Variants in PHYKPL observed in about 807,000 individuals in gnomAD.
The protein encoded by PHYKPL is 5-phosphonooxy-L-lysine phospho-lyase.
Under a neutral mutation model 51.3 loss-of-function variants are expected in PHYKPL, and 42 were observed. The ratio of observed to expected loss-of-function variants is 0.82; its 90% CI spans 0.64 to 1.06. The LOEUF (loss-of-function observed/expected upper bound fraction) is 1.06, where lower values mean the gene tolerates loss of function less well. PHYKPL is among the 50% of genes least tolerant of loss of function. PHYKPL has a pLI of 0.00. For synonymous variants in PHYKPL, 264 were observed against 236.0 expected (o/e 1.12, Z -1.09); for missense variants, 655 against 586.6 (o/e 1.12, Z -1.20).
chr5:178,220,194 CAAA>C (rs34898072), intron 8 of PHYKPL, among the ~76,000 whole-genome samples: 32 of 95,592 alleles, frequency 3.3e-4, no homozygotes, highest in Admixed American at 6.9e-4. Context: ...GACCCCGTTT[CAAA>C]AAAAAAAAAA....
chr5:178,218,967 CAAA>C (rs973214820), intron 8 of PHYKPL, among the ~76,000 whole-genome samples: 1 of 151,346 alleles, frequency 6.6e-6, no homozygotes, highest in African/African-American at 2.4e-5. Flanking sequence ...TCTCAAAAAA[CAAA>C]AAAAAGTAAA....
At chr5:178,207,398 T>C (rs931560136), downstream of PHYKPL, among the ~76,000 whole-genome samples, 1 of 152,108 alleles carries the variant, frequency 6.6e-6, no homozygotes, top group Non-Finnish European at 1.5e-5. Context: ...TTGAAAGACT[T>C]CTCAGGCTGG....
chr5:178,212,313 C>T (rs1348067315), intron 11 of PHYKPL, among the ~76,000 whole-genome samples: 1 of 152,234 alleles, frequency 6.6e-6, no homozygotes, highest in Admixed American at 6.5e-5. Flanking sequence ...ATTAAGCATA[C>T]CTGTGGGTAG....
chr5:178,225,560 T>C (rs766936519), intron 3 of PHYKPL, 131 bp from the exon 4 acceptor site: 9 of 840,528 alleles, frequency 1.1e-5, no homozygotes, highest in Admixed American at 2.1e-5. Flanking sequence ...CACTTGCTTG[T>C]TTGTTTGGTA....
In PHYKPL at chr5:178,224,593, C is replaced by T. The variant is rs201364408; in HGVS notation, c.502-29G>A. 27 of 1,614,074 alleles carry T rather than the reference C, an allele frequency of 1.7e-5. 1 individual carries two copies. Among genetic ancestry groups the T allele is most frequent in the East Asian group, 4.5e-5 (2 of 44,882 alleles). On this transcript the variant is annotated intron_variant, in intron 5 of 12. Coordinates refer to ENST00000308158, the MANE Select transcript of PHYKPL (RefSeq NM_153373.4). ...TGGGGAGTGACAGCGCCATGTTATCCGGGCTTGGGGACAGGCACCGACCTG... is the reference window on the plus strand; with the variant it reads ...TGGGGAGTGACAGCGCCATGTTATCTGGGCTTGGGGACAGGCACCGACCTG...
chr5:178,226,249 G>A (rs995374008), intron 3 of PHYKPL, among the ~76,000 whole-genome samples: 2 of 151,760 alleles, frequency 1.3e-5, no homozygotes, highest in Non-Finnish European at 2.9e-5. Context: ...CTAATTTTTC[G>A]TATTTTCAGT....
Position 178,228,649 on chromosome 5 carries a change from T to C in PHYKPL, c.338+1291A>G, listed in dbSNP as rs1581365531. ...AAATTATCTGGGGGGCAGATGTCTGTACTGTGTGAGTGGCCACAGTAATCA... is the reference window on the plus strand; with the variant it reads ...AAATTATCTGGGGGGCAGATGTCTGCACTGTGTGAGTGGCCACAGTAATCA... On this transcript the variant is annotated intron_variant, in intron 3 of 12. Transcript: ENST00000308158. 5.3e-5 allele frequency: 37 copies of C among 701,708 alleles called. No individual in the cohort carries two copies. In the East Asian group the frequency reaches 9.9e-4, roughly 19 times the overall value. The allele number at this position is 701,708 out of a possible 1,614,324, so 43.5% of individuals were successfully genotyped here.
chr5:178,224,473 C>T lies in PHYKPL; in HGVS notation c.593G>A (p.Ser198Asn). The T allele has an allele frequency of 6.2e-7, 1 of 1,601,924 alleles. No homozygotes were observed. Among genetic ancestry groups the T allele is most frequent in the South Asian group, 1.1e-5 (1 of 88,584 alleles). ...AYANEVKRVV[S>N]SAQEKGRKIA... ...CTTCCTGCCCTTCTCCTGTGCACTGCTGACCACACGTTTCACCTCGTTGGC... is the reference window on the plus strand; with the variant it reads ...CTTCCTGCCCTTCTCCTGTGCACTGTTGACCACACGTTTCACCTCGTTGGC... Residue 198 changes from serine to asparagine, a missense_variant, in exon 6 of 13, where the codon AGC becomes AAC. Transcript: ENST00000308158.
At chr5:178,214,514 C>T (rs1759343304) in intron 10 of PHYKPL, among the ~76,000 whole-genome samples, 1 of 152,166 alleles carries the variant, frequency 6.6e-6, no homozygotes, top group Non-Finnish European at 1.5e-5. Context: ...GCATTCTAGG[C>T]AGAGGTGCTG....
chr5:178,218,059 A>G (rs1760245807), intron 8 of PHYKPL, among the ~76,000 whole-genome samples: 1 of 122,512 alleles, frequency 8.2e-6, no homozygotes, highest in African/African-American at 3.4e-5. Flanking sequence ...CTACTAAAAA[A>G]TACAAAAATT....
At chr5:178,210,709 C>T (rs1554104241) in intron 12 of PHYKPL, 5 of 1,060,132 alleles carry the variant, frequency 4.7e-6, no homozygotes, top group South Asian at 2.6e-5. Flanking sequence ...TTTAACTTGG[C>T]AAACTTTCTA....
At chr5:178,221,526 T>C (rs1761173120) in intron 8 of PHYKPL, among the ~76,000 whole-genome samples, 1 of 152,192 alleles carries the variant, frequency 6.6e-6, no homozygotes, top group Non-Finnish European at 1.5e-5. Flanking sequence ...GAGTGATGGT[T>C]TTTGGCTGAA....
chr5:178,211,795 G>GTC (rs748503605), intron 12 of PHYKPL, 95 bp downstream of exon 12: 32 of 815,042 alleles, frequency 3.9e-5, no homozygotes, highest in Non-Finnish European at 5.8e-5. Flanking sequence ...ACAAAAAAAA[G>GTC]TCTTAAAAAA....
Position 178,222,887 on chromosome 5 carries a change from G to T in PHYKPL, c.666C>A (p.Ile222=). The T allele has an allele frequency of 6.2e-7, 1 of 1,614,142 alleles. No homozygotes were observed. The highest frequency in any genetic ancestry group is 1.1e-5 in the South Asian group (1 of 91,072). The change falls in exon 7 of 13, where the codon ATC becomes ATA. Residue 222 remains isoleucine, a synonymous_variant. Transcript: ENST00000308158. ...AESLPSVGGQ[I]IPPAGYFSQV... The stretch of plus-strand genomic sequence containing the variant: ...GGGAGAAGTAGCCAGCAGGGGGAAT[G>T]ATCTGCCCTCCCACACTGGGCAGAG...
intron 8 of PHYKPL, among the ~76,000 whole-genome samples, chr5:178,219,616 A>AT (rs1228554157): frequency 6.6e-6 from 1 of 151,642 alleles, no homozygotes; most frequent in Non-Finnish European, 1.5e-5. Context: ...CGCCCGGCTA[A>AT]TTTTTTCTAT....
rs1758475739 is a variant in PHYKPL at position 178,211,677 on chromosome 5, A to G, written c.*31+213T>C. On this transcript the variant is annotated intron_variant, in intron 12 of 12. Coordinates refer to ENST00000308158, the MANE Select transcript of PHYKPL (RefSeq NM_153373.4). ...TGGGGTTCCACGTGGATACAGCCCCATAGGTTTCAAGGGAGGATATAGCTG... is the reference window on the plus strand; with the variant it reads ...TGGGGTTCCACGTGGATACAGCCCCGTAGGTTTCAAGGGAGGATATAGCTG... The G allele has an allele frequency of 1.5e-5, 8 of 550,502 alleles. No homozygotes were observed. The Admixed American group carries it at 2.5e-4, about 17-fold the overall frequency. The allele number at this position is 550,502 out of a possible 1,614,324, so 34.1% of individuals were successfully genotyped here. A position where few individuals can be genotyped will look rare whatever the true frequency, so the allele number is the denominator to read the frequency against.
At chr5:178,220,987 G>C (rs1356065445) in intron 8 of PHYKPL, among the ~76,000 whole-genome samples, 1 of 152,176 alleles carries the variant, frequency 6.6e-6, no homozygotes, top group Non-Finnish European at 1.5e-5. Context: ...TGGTTATTCA[G>C]AGTGATGGGT....
rs1322125189 is a variant in PHYKPL, at chr5:178,232,584, C to T, written c.-34G>A. ...GCCGTCAGTCGGTGCCGTGACGCCA[C>T]GCGGAGACGTCGCCGCGCGGGCTGG... On this transcript the variant is annotated 5_prime_UTR_variant, in exon 1 of 13. In the 5' UTR this introduces an upstream ATG that the reference lacks. Coordinates refer to ENST00000308158, the MANE Select transcript of PHYKPL (RefSeq NM_153373.4). 4.0e-6 allele frequency: 5 copies of T among 1,249,610 alleles called. No homozygotes were observed. In the South Asian group the frequency reaches 9.9e-5, roughly 25 times the overall value. The allele number at this position is 1,249,610 out of a possible 1,614,324, so 77.4% of individuals were successfully genotyped here.
chr5:178,221,388 C>A (rs1359266785), intron 8 of PHYKPL, among the ~76,000 whole-genome samples: 1 of 152,046 alleles, frequency 6.6e-6, no homozygotes, highest in Non-Finnish European at 1.5e-5. Context: ...CTGGGATGTC[C>A]TTTGTGCTCT....
Sources: gnomAD v4.1 joint callset for allele counts (sites outside exome capture counted in the v4.1 genomes callset) on GRCh38, gnomAD v4.1.1 for gene constraint, MANE v1.5 for transcripts, NCBI Gene and HGNC (gene_info 2026-07-23, HGNC 2026-07-21) for gene names.